The following PXDC1 variants were observed in gnomAD, a reference collection of about 807,000 sequenced individuals.
The protein encoded by PXDC1 is PX domain containing 1, also known as PX domain-containing protein 1.
In PXDC1, 13 loss-of-function variants were observed where a neutral mutation model predicts 24.4. The observed-to-expected ratio is 0.53, with a 90% CI of 0.35 to 0.85. PXDC1 has a LOEUF of 0.85. Ranked by LOEUF, PXDC1 falls within the 40% of genes least tolerant of loss-of-function variation. The probability of loss-of-function intolerance (pLI) is 0.01; values close to 1 mark genes in which losing one functional copy is unlikely to be tolerated. For missense variants in PXDC1, 344 were observed against 309.3 expected, an observed-to-expected ratio of 1.11 and a Z score of -0.84; for synonymous variants, 162 against 124.9, an observed-to-expected ratio of 1.30 and a Z score of -1.98.
intron 1 of PXDC1, chr6:3,751,025 G>A: frequency 2.2e-6 from 1 of 449,984 alleles, no homozygotes; most frequent in Non-Finnish European, 3.9e-6. Flanking sequence ...CGCCCTGCCG[G>A]CCTCGGCCCC....
intron 1 of PXDC1, among the ~76,000 whole-genome samples, chr6:3,742,033 G>C (rs773274477): frequency 1.2e-4 from 19 of 152,210 alleles, no homozygotes; most frequent in Non-Finnish European, 2.4e-4. Flanking sequence ...TTCACAGCTG[G>C]AAACCTCAAG....
rs775074049 is a variant in PXDC1, at chr6:3,751,499, G to C, written c.33C>G (p.Leu11=). 2.5e-6 allele frequency: 4 copies of C among 1,602,266 alleles called. No individual in the cohort carries two copies. The highest frequency in any genetic ancestry group is 3.4e-6 in the Non-Finnish European group (4 of 1,176,244). The part of the protein sequence containing the change: MASAVFEGTS[L]VNMFVRGCWV... The stretch of plus-strand genomic sequence containing the variant: ...AGCAGCCGCGCACGAACATGTTCAC[G>C]AGCGACGTGCCCTCAAACACCGCCG... Residue 11 remains leucine (L), a synonymous_variant, in exon 1 of 5, where the codon CTC becomes CTG. Coordinates refer to ENST00000380283, the MANE Select transcript of PXDC1 (RefSeq NM_183373.4).
chr6:3,747,445 T>C (rs1215218404), intron 1 of PXDC1, among the ~76,000 whole-genome samples: 3 of 152,068 alleles, frequency 2.0e-5, no homozygotes, highest in South Asian at 4.1e-4. Context: ...AAAGCCCAAA[T>C]GTGACCACGA....
At position 3,737,320 on chromosome 6, in the gene PXDC1, G is replaced by A; in HGVS notation, c.349-124C>T. On this transcript the variant is annotated intron_variant, in intron 2 of 4. Coordinates refer to ENST00000380283, the MANE Select transcript of PXDC1 (RefSeq NM_183373.4). The surrounding 1 kb of genome is among the most constrained non-coding windows in gnomAD (Gnocchi z 5.5). Reference sequence around the variant, plus strand: ...TGTGTGATGCAAACGCCCCATGAATGTCCAGATGCTCCCATGGCTGGCCGC... The same window carrying A: ...TGTGTGATGCAAACGCCCCATGAATATCCAGATGCTCCCATGGCTGGCCGC... 1 of 708,606 alleles carries A rather than the reference G, an allele frequency of 1.4e-6. No homozygotes were observed. The highest frequency in any genetic ancestry group is 2.5e-6 in the Non-Finnish European group (1 of 405,652). The allele number at this position is 708,606 out of a possible 1,614,324, so 43.9% of individuals were successfully genotyped here. A position where few individuals can be genotyped will look rare whatever the true frequency, so the allele number is the denominator to read the frequency against.
Position 3,730,496 on chromosome 6 carries a change from T to G in PXDC1, c.467-2834A>C, listed in dbSNP as rs942859233. Among the ~76,000 whole-genome samples the G allele has an allele frequency of 7.3e-5, 11 of 151,710 alleles. 1 individual carries two copies. Among genetic ancestry groups the G allele is most frequent in the African/African-American group, 2.7e-4 (11 of 41,268 alleles). On this transcript the variant is annotated intron_variant, in intron 3 of 4. Coordinates refer to ENST00000380283, the MANE Select transcript of PXDC1 (RefSeq NM_183373.4). Reference sequence around the variant, plus strand: ...CAAGTCCTAAGAAAAGCTGTAGAAATTAGAACACGTCCACAGTTTAAAAAA... The same window carrying G: ...CAAGTCCTAAGAAAAGCTGTAGAAAGTAGAACACGTCCACAGTTTAAAAAA...
chr6:3,751,503 G>A lies in PXDC1; in HGVS notation c.29C>T (p.Ser10Leu). ...GCCGCGCACGAACATGTTCACGAGC[G>A]ACGTGCCCTCAAACACCGCCGAGGC... is the stretch of plus-strand genomic sequence containing the variant. MASAVFEGT[S>L]LVNMFVRGCW... The change falls in exon 1 of 5, where the codon TCG becomes TTG. Residue 10 changes from serine (S) to leucine (L), a missense_variant. Transcript: ENST00000380283. 5 of 1,601,582 alleles carry A rather than the reference G, an allele frequency of 3.1e-6. No homozygotes were observed. Among genetic ancestry groups the A allele is most frequent in the South Asian group, 1.1e-5 (1 of 89,176 alleles).
Position 3,737,957 on chromosome 6 carries a change from G to T in PXDC1, c.348+100C>A. On this transcript the variant is annotated intron_variant, in intron 2 of 4. Transcript: ENST00000380283. This position sits in a 1 kb window ranked among gnomAD's most constrained non-coding sequence, Gnocchi z 5.5. ...GAACAAAACGGCTAAGTGAGACAGAGCAAGCAAGTCAACCCTCCGGGGGGA... is the reference window on the plus strand; with the variant it reads ...GAACAAAACGGCTAAGTGAGACAGATCAAGCAAGTCAACCCTCCGGGGGGA... 1 of 993,900 alleles carries T rather than the reference G, an allele frequency of 1.0e-6. No homozygotes were observed. The highest frequency in any genetic ancestry group is 1.6e-5 in the African/African-American group (1 of 62,334). The allele number at this position is 993,900 out of a possible 1,614,324, so 61.6% of individuals were successfully genotyped here. A position where few individuals can be genotyped will look rare whatever the true frequency, so the allele number is the denominator to read the frequency against.
intron 3 of PXDC1, among the ~76,000 whole-genome samples, chr6:3,734,771 C>A (rs1760278005): frequency 6.6e-6 from 1 of 151,072 alleles, no homozygotes; most frequent in Non-Finnish European, 1.5e-5. Flanking sequence ...AAATGACATT[C>A]TTCACAGGAA....
intron 1 of PXDC1, among the ~76,000 whole-genome samples, chr6:3,742,487 G>C (rs886897788): frequency 6.6e-6 from 1 of 152,194 alleles, no homozygotes; most frequent in Non-Finnish European, 1.5e-5. Context: ...GGCAGGTGAA[G>C]AGGGTTGCCT....
intron 1 of PXDC1, among the ~76,000 whole-genome samples, chr6:3,746,744 T>C (rs1473911750): frequency 3.9e-5 from 6 of 152,184 alleles, no homozygotes; most frequent in Non-Finnish European, 5.9e-5. Flanking sequence ...TCCGTGGCTT[T>C]GCAGTTGGCC....
chr6:3,751,269 C>T lies in PXDC1; in HGVS notation c.256+7G>A, dbSNP rs1391971251. On this transcript the variant is annotated splice_region_variant and intron_variant, in intron 1 of 4. Transcript: ENST00000380283. ...CCCGCGCCCCTCCCGCGTCCCCGGC[C>T]CCGCACCTTGCCGCAGCGGCCCCTG... is the stretch of plus-strand genomic sequence containing the variant. 4 of 1,507,448 alleles carry T rather than the reference C, an allele frequency of 2.7e-6. No homozygotes were observed. The highest frequency in any genetic ancestry group is 1.9e-4 in the Middle Eastern group (1 of 5,224). The allele number at this position is 1,507,448 out of a possible 1,614,324, so 93.4% of individuals were successfully genotyped here. A position where few individuals can be genotyped will look rare whatever the true frequency, so the allele number is the denominator to read the frequency against.
At chr6:3,743,253 G>A (rs935670252) in intron 1 of PXDC1, among the ~76,000 whole-genome samples, 4 of 152,144 alleles carry the variant, frequency 2.6e-5, no homozygotes, top group Non-Finnish European at 5.9e-5. Flanking sequence ...GTTAAAGAGC[G>A]TCCACTACCC....
At chr6:3,751,240 C>T in intron 1 of PXDC1, 36 bp downstream of exon 1, 2 of 1,408,948 alleles carry the variant, frequency 1.4e-6, no homozygotes, top group Non-Finnish European at 1.9e-6. Context: ...AAGGCTGCCT[C>T]GGCCCCGCGC....
At position 3,744,849 on chromosome 6, in the gene PXDC1, G is replaced by A. The variant is rs138407665; in HGVS notation, c.256+6427C>T. On this transcript the variant is annotated intron_variant, in intron 1 of 4. Transcript: ENST00000380283. ...AGCAGCTGGGACTACAGGCATGCGC[G>A]CTACCAGGCTCGGCTAATTTTTCTA... Among the ~76,000 whole-genome samples, 358 of 152,314 alleles carry A rather than the reference G, an allele frequency of 2.4e-3. 2 individuals are homozygous for A. Among genetic ancestry groups the A allele is most frequent in the African/African-American group, 8.1e-3 (335 of 41,572 alleles).
chr6:3,736,329 C>T (rs1031189204), intron 3 of PXDC1, among the ~76,000 whole-genome samples: 6 of 152,130 alleles, frequency 3.9e-5, no homozygotes, highest in Non-Finnish European at 7.3e-5. Flanking sequence ...CATGGAGGTG[C>T]TCTCCTCTGG....
intron 1 of PXDC1, 103 bp downstream of exon 1, chr6:3,751,173 G>T: frequency 1.1e-6 from 1 of 935,910 alleles, no homozygotes; most frequent in Non-Finnish European, 1.5e-6. Context: ...AGGGCGGGCA[G>T]AAAGGAGAAG....
Position 3,724,212 on chromosome 6 carries a change from GC to G in PXDC1, c.579-477del, listed in dbSNP as rs1182123915. Among the ~76,000 whole-genome samples, 1 of 152,162 alleles carries G rather than the reference GC, an allele frequency of 6.6e-6. No homozygotes were observed. Among genetic ancestry groups the G allele is most frequent in the Non-Finnish European group, 1.5e-5 (1 of 68,036 alleles). On this transcript the variant is annotated intron_variant, in intron 4 of 4. Transcript: ENST00000380283. This position sits in a 1 kb window ranked among gnomAD's most constrained non-coding sequence, Gnocchi z 4.5. ...CGAGGGAACAGGAGGCTGGAGAAGAGCCGGCGAGGCCCGTGGAGGTCACGGG... is the reference window on the plus strand; with the variant it reads ...CGAGGGAACAGGAGGCTGGAGAAGAGCGGCGAGGCCCGTGGAGGTCACGGG...
chr6:3,749,349 TTC>T (rs1303270312), intron 1 of PXDC1, among the ~76,000 whole-genome samples: 2 of 151,562 alleles, frequency 1.3e-5, no homozygotes, highest in Non-Finnish European at 2.9e-5. Context: ...TATTTCTGAT[TTC>T]TGTTCCCCTT....
chr6:3,745,313 GC>G (rs1273607414), intron 1 of PXDC1, among the ~76,000 whole-genome samples: 2 of 152,250 alleles, frequency 1.3e-5, no homozygotes, highest in Non-Finnish European at 2.9e-5. Context: ...GTCATCAAGG[GC>G]ACGTGGCAAG....
Sources: allele counts gnomAD v4.1 joint callset (sites outside exome capture counted in the v4.1 genomes callset), GRCh38; gene constraint gnomAD v4.1.1; non-coding constraint Gnocchi (gnomAD v3.1); transcripts MANE v1.5; gene names NCBI Gene and HGNC (gene_info 2026-07-23, HGNC 2026-07-21).